IDE: variants seen among roughly 807,000 people sequenced by gnomAD.
The protein encoded by IDE is insulin degrading enzyme.
A neutral mutation model predicts 133.2 loss-of-function variants in IDE; 58 were observed. The ratio of observed to expected loss-of-function variants is 0.44; its 90% CI spans 0.35 to 0.54. The LOEUF (loss-of-function observed/expected upper bound fraction) is 0.54. Among genes scored for constraint, IDE ranks in the 20% least tolerant of loss-of-function variants. The pLI, the probability that IDE is intolerant of heterozygous loss-of-function variation, is 0.00. For missense variants in IDE, 981 were observed against 1,234.0 expected (o/e 0.79, Z 3.07); for synonymous variants, 396 against 421.3 (o/e 0.94, Z 0.73).
chr10:92,509,921 C>CAAAAAAAAAAAAAAAAAAA (rs11324773), intron 6 of IDE, 129 bp downstream of exon 6: 1 of 320,498 alleles, frequency 3.1e-6, no homozygotes, highest in Non-Finnish European at 5.3e-6. Context: ...ACTCTGTTTC[C>CAAAAAAAAAAAAAAAAAAA]AAAAAAAAAA....
At chr10:92,464,108 GT>G in intron 20 of IDE, 105 bp from the exon 21 acceptor site, 1 of 1,180,202 alleles carries the variant, frequency 8.5e-7, no homozygotes, top group Non-Finnish European at 1.2e-6. Flanking sequence ...CTAGTTTAAG[GT>G]TTTAGAGTAT....
chr10:92,455,650 G>T lies in IDE; in HGVS notation c.2897-7C>A. 1 of 1,524,258 alleles carries T rather than the reference G, an allele frequency of 6.6e-7. No individual in the cohort carries two copies. The highest frequency in any genetic ancestry group is 9.1e-7 in the Non-Finnish European group (1 of 1,104,344). The allele number at this position is 1,524,258 out of a possible 1,614,324, so 94.4% of individuals were successfully genotyped here. Reference sequence around the variant, plus strand: ...AACTCTCCAACAACAGGACCTATAAGAAAATAAAAGGTTTAATACTTTGTA... The same window carrying T: ...AACTCTCCAACAACAGGACCTATAATAAAATAAAAGGTTTAATACTTTGTA... On this transcript the variant is annotated splice_polypyrimidine_tract_variant and splice_region_variant and intron_variant, in intron 23 of 24. Coordinates refer to ENST00000265986, the MANE Select transcript of IDE (RefSeq NM_004969.4).
chr10:92,507,803 C>T (rs1848375787), intron 8 of IDE, 137 bp from the exon 9 acceptor site: 2 of 649,750 alleles, frequency 3.1e-6, no homozygotes, highest in East Asian at 5.4e-5. Context: ...CTGAGACTGG[C>T]TTTACGTGTC....
intron 4 of IDE, among the ~76,000 whole-genome samples, chr10:92,528,212 A>C (rs979525180): frequency 6.6e-6 from 1 of 152,220 alleles, no homozygotes; most frequent in Non-Finnish European, 1.5e-5. Flanking sequence ...CAAAAGTGAT[A>C]GTGGGCATCC....
rs531212002 is a variant in IDE at position 92,519,833 on chromosome 10, G to A, written c.662-4791C>T. Among the ~76,000 whole-genome samples, 6 of 152,254 alleles carry A rather than the reference G, an allele frequency of 3.9e-5. No individual in the cohort carries two copies. In the South Asian group the frequency reaches 1.0e-3, roughly 26 times the overall value. Reference sequence around the variant, plus strand: ...AAAATATAAATAATCTGCCAGGCGCGGTGGCTGACACCTGTAATCACAACA... The same window carrying A: ...AAAATATAAATAATCTGCCAGGCGCAGTGGCTGACACCTGTAATCACAACA... On this transcript the variant is annotated intron_variant, in intron 4 of 24. Coordinates refer to ENST00000265986, the MANE Select transcript of IDE (RefSeq NM_004969.4).
intron 22 of IDE, among the ~76,000 whole-genome samples, chr10:92,460,082 C>T (rs965360541): frequency 6.6e-6 from 1 of 152,146 alleles, no homozygotes; most frequent in African/African-American, 2.4e-5. Context: ...CGTGATTCAC[C>T]CACCTTGGCC....
intron 13 of IDE, 29 bp from the exon 14 acceptor site, chr10:92,483,366 A>C: frequency 7.9e-7 from 1 of 1,269,350 alleles, no homozygotes; most frequent in Non-Finnish European, 1.2e-6. Context: ...TTGGTTAGGG[A>C]AATAGAGGCG....
chr10:92,572,003 C>T (rs940170136), intron 1 of IDE, among the ~76,000 whole-genome samples: 4 of 152,174 alleles, frequency 2.6e-5, no homozygotes, highest in African/African-American at 9.7e-5. Flanking sequence ...GCCTCACTCA[C>T]TGATTTTAGG....
chr10:92,529,328 A>T lies in IDE; in HGVS notation c.661+2420T>A, dbSNP rs535228373. On this transcript the variant is annotated intron_variant, in intron 4 of 24. Coordinates refer to ENST00000265986, the MANE Select transcript of IDE (RefSeq NM_004969.4). The stretch of plus-strand genomic sequence containing the variant: ...AATACACAGAACTTCTACTCCAAAA[A>T]ATTCAACGTAAGTTTATAATTCTAA... Among the ~76,000 whole-genome samples the T allele has an allele frequency of 2.6e-5, 4 of 152,304 alleles. No individual in the cohort carries two copies. The East Asian group carries it at 7.7e-4, about 29-fold the overall frequency.
intron 4 of IDE, 44 bp from the exon 5 acceptor site, chr10:92,515,086 T>A (rs1848832084): frequency 2.0e-6 from 3 of 1,524,464 alleles, no homozygotes; most frequent in Non-Finnish European, 2.7e-6. Flanking sequence ...GCAAAATATG[T>A]GGACTTTTAA....
At chr10:92,491,650 A>G (rs1847351450) in intron 11 of IDE, among the ~76,000 whole-genome samples, 1 of 146,734 alleles carries the variant, frequency 6.8e-6, no homozygotes, top group Admixed American at 6.9e-5. Flanking sequence ...TGCTCTTGCC[A>G]CCCAGGCTGG....
chr10:92,551,245 T>C (rs1842762370), intron 1 of IDE, among the ~76,000 whole-genome samples: 1 of 152,142 alleles, frequency 6.6e-6, no homozygotes, highest in Non-Finnish European at 1.5e-5. Context: ...TTCTGGCACA[T>C]GCTACCATAT....
chr10:92,473,922 C>T (rs1338955439), intron 17 of IDE, among the ~76,000 whole-genome samples: 1 of 151,726 alleles, frequency 6.6e-6, no homozygotes, highest in Non-Finnish European at 1.5e-5. Flanking sequence ...GTGGAGGTTG[C>T]AATGAGCTGA....
intron 1 of IDE, among the ~76,000 whole-genome samples, chr10:92,568,406 A>G (rs1183564548): frequency 1.3e-5 from 2 of 152,266 alleles, no homozygotes; most frequent in African/African-American, 4.8e-5. Flanking sequence ...AAAGTTTGCA[A>G]TAAAGGTCAA....
chr10:92,469,808 C>T (rs1845871937), intron 18 of IDE, among the ~76,000 whole-genome samples: 1 of 152,130 alleles, frequency 6.6e-6, no homozygotes, highest in African/African-American at 2.4e-5. Context: ...ATCCTTACCA[C>T]ACATGACGTA....
intron 3 of IDE, 60 bp downstream of exon 3, chr10:92,534,515 AATT>A (rs934041071): frequency 1.1e-6 from 1 of 908,882 alleles, no homozygotes. Flanking sequence ...TGGAAATAAT[AATT>A]ATTATTATTA....
chr10:92,500,129 C>T (rs1473684157), intron 11 of IDE, among the ~76,000 whole-genome samples: 1 of 152,050 alleles, frequency 6.6e-6, no homozygotes, highest in East Asian at 1.9e-4. Context: ...GAAACCCCGT[C>T]TCTATTAAAA....
intron 1 of IDE, among the ~76,000 whole-genome samples, chr10:92,571,387 T>C (rs1483448176): frequency 6.6e-6 from 1 of 152,196 alleles, no homozygotes; most frequent in Non-Finnish European, 1.5e-5. Context: ...CCTGTTCTTT[T>C]ACACTATTAA....
At chr10:92,573,181 T>C in intron 1 of IDE, 2 of 985,406 alleles carry the variant, frequency 2.0e-6, no homozygotes, top group Non-Finnish European at 2.4e-6. Context: ...AGATCAACGG[T>C]GCAGTGGAGA....
Sources: allele counts gnomAD v4.1 joint callset (sites outside exome capture counted in the v4.1 genomes callset), GRCh38; gene constraint gnomAD v4.1.1; transcripts MANE v1.5; gene names NCBI Gene and HGNC (gene_info 2026-07-23, HGNC 2026-07-21).